GALNTL6: variants seen among roughly 807,000 people sequenced by gnomAD.
GALNTL6 encodes the protein polypeptide N-acetylgalactosaminyltransferase like 6.
A neutral mutation model predicts 73.7 loss-of-function variants in GALNTL6; 46 were observed. That is an observed-to-expected ratio of 0.62 (90% CI 0.49 to 0.80). The LOEUF is 0.80. Ranked by LOEUF, GALNTL6 falls within the 30% of genes least tolerant of loss-of-function variation. The pLI is 0.00. For missense variants in GALNTL6, 604 were observed against 755.0 expected, an observed-to-expected ratio of 0.80 and a Z score of 2.34; for synonymous variants, 259 against 263.7, an observed-to-expected ratio of 0.98 and a Z score of 0.17.
At chr4:172,645,588 A>AT (rs147519015) in intron 5 of GALNTL6, among the ~76,000 whole-genome samples, 2,224 of 151,998 alleles carry the variant, frequency 0.015, 56 homozygotes, top group African/African-American at 0.05. Flanking sequence ...GCAAAGAAAC[A>AT]TTTTCTATCT....
intron 9 of GALNTL6, among the ~76,000 whole-genome samples, chr4:172,947,295 G>A (rs1472422069): frequency 6.6e-6 from 1 of 152,068 alleles, no homozygotes; most frequent in African/African-American, 2.4e-5. Context: ...CAGCAAGCTG[G>A]GGGCAAGATG....
intron 5 of GALNTL6, among the ~76,000 whole-genome samples, chr4:172,749,585 T>A (rs1179366609): frequency 2.0e-5 from 3 of 152,104 alleles, no homozygotes; most frequent in African/African-American, 7.2e-5. Flanking sequence ...GCTGGGAGGT[T>A]AATCCCATGT....
rs577333847 is a variant in GALNTL6, at chr4:172,480,582, G to T, written c.553+131893G>T. Among the ~76,000 whole-genome samples, 10 of 152,278 alleles carry T rather than the reference G, an allele frequency of 6.6e-5. No homozygotes were observed. The South Asian group carries it at 1.0e-3, about 16-fold the overall frequency. ...TAGAAACCTCATTCTAAAGTCACTG[G>T]TTTTTTTGTAGAGCATTAGTTAGCA... On this transcript the variant is annotated intron_variant, in intron 5 of 12. Transcript: ENST00000506823.
chr4:171,886,582 G>A (rs1328192844), intron 2 of GALNTL6, among the ~76,000 whole-genome samples: 1 of 152,144 alleles, frequency 6.6e-6, no homozygotes, highest in Non-Finnish European at 1.5e-5. Context: ...AAAAGAGAGA[G>A]GTTTAATGCA....
chr4:172,869,911 ACAAAGACAAGACATAGCC>A (rs1478894666), intron 7 of GALNTL6, among the ~76,000 whole-genome samples: 1 of 152,164 alleles, frequency 6.6e-6, no homozygotes, highest in Non-Finnish European at 1.5e-5. Flanking sequence ...ATCCAAAGAG[ACAAAGACAAGACATAGCC>A]CACTCATGAC....
intron 10 of GALNTL6, among the ~76,000 whole-genome samples, chr4:173,008,015 T>A (rs967373650): frequency 6.6e-6 from 1 of 152,230 alleles, no homozygotes; most frequent in Non-Finnish European, 1.5e-5. Context: ...AGAATCTTTA[T>A]CCATTACAGT....
At chr4:172,520,544 G>A (rs1246221664) in intron 5 of GALNTL6, among the ~76,000 whole-genome samples, 1 of 137,078 alleles carries the variant, frequency 7.3e-6, no homozygotes, top group Non-Finnish European at 1.6e-5. Flanking sequence ...CAGTCTTTTC[G>A]TTTTTTTTTT....
At chr4:173,022,038 G>GGAAGGAAGGAAGGAAA in intron 12 of GALNTL6, among the ~76,000 whole-genome samples, 1 of 38,246 alleles carries the variant, frequency 2.6e-5, no homozygotes, top group Non-Finnish European at 5.4e-5. Flanking sequence ...AAAGAAGGAA[G>GGAAGGAAGGAAGGAAA]GAAGGAAGGA....
chr4:172,975,259 A>C (rs1400239707), intron 10 of GALNTL6, among the ~76,000 whole-genome samples: 1 of 152,142 alleles, frequency 6.6e-6, no homozygotes, highest in African/African-American at 2.4e-5. Context: ...ATCTGCAGGC[A>C]GGTCATCCCA....
chr4:172,691,221 G>T (rs1733265288), intron 5 of GALNTL6, among the ~76,000 whole-genome samples: 4 of 152,080 alleles, frequency 2.6e-5, no homozygotes, highest in Admixed American at 2.0e-4. Context: ...GAACACAAAG[G>T]AAATACTCAT....
At chr4:172,132,053 G>C (rs1372746403) in intron 2 of GALNTL6, among the ~76,000 whole-genome samples, 1 of 151,906 alleles carries the variant, frequency 6.6e-6, no homozygotes, top group Non-Finnish European at 1.5e-5. Flanking sequence ...AACAAAAGAT[G>C]ATTTTAAGAG....
chr4:172,306,823 A>G (rs1360673845), intron 3 of GALNTL6, among the ~76,000 whole-genome samples: 2 of 152,194 alleles, frequency 1.3e-5, no homozygotes, highest in African/African-American at 2.4e-5. Flanking sequence ...GTAGTATTCC[A>G]TGGTATGTAT....
At chr4:172,370,932 G>T (rs1742785055) in intron 5 of GALNTL6, among the ~76,000 whole-genome samples, 1 of 152,194 alleles carries the variant, frequency 6.6e-6, no homozygotes, top group Admixed American at 6.5e-5. Flanking sequence ...GATAATGCAT[G>T]TTACACCGTT....
At chr4:172,482,217 G>T (rs1310433061) in intron 5 of GALNTL6, among the ~76,000 whole-genome samples, 2 of 152,208 alleles carry the variant, frequency 1.3e-5, no homozygotes, top group Non-Finnish European at 2.9e-5. Context: ...TGGCCCAGGA[G>T]CGCTTCATGC....
chr4:172,009,107 T>G (rs1343089768), intron 2 of GALNTL6, among the ~76,000 whole-genome samples: 1 of 152,102 alleles, frequency 6.6e-6, no homozygotes. Flanking sequence ...AAGGTCCTAT[T>G]AGGAGATATA....
At chr4:172,186,170 G>C (rs1373157278) in intron 2 of GALNTL6, among the ~76,000 whole-genome samples, 1 of 152,084 alleles carries the variant, frequency 6.6e-6, no homozygotes, top group African/African-American at 2.4e-5. Context: ...ATACATGTAT[G>C]ACCAACAAGA....
At chr4:171,936,233 G>A (rs1411731106) in intron 2 of GALNTL6, among the ~76,000 whole-genome samples, 3 of 152,114 alleles carry the variant, frequency 2.0e-5, no homozygotes, top group Non-Finnish European at 4.4e-5. Context: ...GGCAAGCCAA[G>A]TACAATATAA....
At chr4:171,903,560 C>G (rs940602258) in intron 2 of GALNTL6, among the ~76,000 whole-genome samples, 21 of 148,116 alleles carry the variant, frequency 1.4e-4, no homozygotes, top group Middle Eastern at 3.5e-3. Context: ...GGCAGCGAGG[C>G]TGGGGGAGGG....
intron 4 of GALNTL6, among the ~76,000 whole-genome samples, chr4:172,336,760 C>T (rs1741341764): frequency 2.0e-5 from 3 of 152,052 alleles, no homozygotes; most frequent in Admixed American, 2.0e-4. Flanking sequence ...ATATCAAGTA[C>T]AGTTTATCAA....
Sources: allele counts gnomAD v4.1 joint callset (sites outside exome capture counted in the v4.1 genomes callset), GRCh38; gene constraint gnomAD v4.1.1; transcripts MANE v1.5; gene names NCBI Gene and HGNC (gene_info 2026-07-23, HGNC 2026-07-21).